Variants in DLGAP2 observed in about 807,000 individuals in gnomAD.
DLGAP2 encodes DLG associated protein 2.
A neutral mutation model predicts 100.3 loss-of-function variants in DLGAP2; 26 were observed. The ratio of observed to expected loss-of-function variants is 0.26; its 90% CI spans 0.19 to 0.36. The LOEUF is 0.36. Ranked by LOEUF, DLGAP2 falls within the 10% of genes least tolerant of loss-of-function variation. The pLI is 1.00. For synonymous variants in DLGAP2, 886 were observed against 630.1 expected (o/e 1.41, Z -6.08); for missense variants, 1,858 against 1,453.2 (o/e 1.28, Z -4.53).
intron 3 of DLGAP2, among the ~76,000 whole-genome samples, chr8:1,344,894 G>A (rs573645417): frequency 7.9e-5 from 12 of 152,266 alleles, no homozygotes; most frequent in South Asian, 6.2e-4. Flanking sequence ...CTCCTGGACC[G>A]AAATATTCCA....
intron 2 of DLGAP2, among the ~76,000 whole-genome samples, chr8:1,003,470 A>T (rs941115306): frequency 2.6e-5 from 4 of 152,232 alleles, no homozygotes; most frequent in Non-Finnish European, 5.9e-5. Context: ...TGGAATATTT[A>T]TTTGGCCAAA....
intron 2 of DLGAP2, among the ~76,000 whole-genome samples, chr8:1,234,535 C>A (rs1034134005): frequency 1.3e-5 from 2 of 152,086 alleles, no homozygotes; most frequent in Non-Finnish European, 2.9e-5. Flanking sequence ...CAACAATGAC[C>A]CTATTTCTAA....
chr8:1,518,692 A>T (rs571373195), intron 4 of DLGAP2, among the ~76,000 whole-genome samples: 1 of 152,324 alleles, frequency 6.6e-6, no homozygotes, highest in East Asian at 1.9e-4. Flanking sequence ...TGAGTAAATT[A>T]TGGAGTCTTT....
chr8:1,408,069 C>T (rs1369152287), intron 3 of DLGAP2, among the ~76,000 whole-genome samples: 3 of 152,330 alleles, frequency 2.0e-5, no homozygotes, highest in South Asian at 2.1e-4. Flanking sequence ...TGCCAAATGC[C>T]CCCCAGGGGA....
chr8:1,106,951 G>A (rs1412699081), intron 2 of DLGAP2, among the ~76,000 whole-genome samples: 1 of 152,088 alleles, frequency 6.6e-6, no homozygotes, highest in Non-Finnish European at 1.5e-5. Context: ...CATCTCAGAC[G>A]TATTTTCTTC....
chr8:985,790 G>C (rs946280608), intron 2 of DLGAP2, among the ~76,000 whole-genome samples: 2 of 152,182 alleles, frequency 1.3e-5, no homozygotes, highest in Non-Finnish European at 2.9e-5. Context: ...TGTTTCCCCA[G>C]ATGTGAGAGT....
At chr8:1,119,917 C>T (rs1795996003) in intron 2 of DLGAP2, among the ~76,000 whole-genome samples, 1 of 152,116 alleles carries the variant, frequency 6.6e-6, no homozygotes, top group African/African-American at 2.4e-5. Context: ...AGAAAGGTTT[C>T]CTTGTAGTTG....
At chr8:1,037,366 C>T (rs34232089) in intron 2 of DLGAP2, among the ~76,000 whole-genome samples, 29,671 of 152,036 alleles carry the variant, frequency 0.2, 3,117 homozygotes, top group Non-Finnish European at 0.23. Flanking sequence ...TCTGCTGTTC[C>T]GCCTCGGGCC....
chr8:1,224,236 A>T (rs968763773), intron 2 of DLGAP2, among the ~76,000 whole-genome samples: 2 of 152,176 alleles, frequency 1.3e-5, no homozygotes, highest in South Asian at 2.1e-4. Flanking sequence ...GGCACATTTA[A>T]TGTGGGTCAG....
chr8:1,580,878 A>G (rs574912028), intron 6 of DLGAP2, among the ~76,000 whole-genome samples: 2 of 152,224 alleles, frequency 1.3e-5, no homozygotes, highest in Admixed American at 1.3e-4. Flanking sequence ...CCAGAAGTGA[A>G]GGATACAGAC....
intron 3 of DLGAP2, among the ~76,000 whole-genome samples, chr8:1,266,922 T>A (rs1230908594): frequency 6.6e-6 from 1 of 151,980 alleles, no homozygotes; most frequent in African/African-American, 2.4e-5. Flanking sequence ...GGAGAGGGGA[T>A]GTGTAATAGT....
At chr8:1,008,840 C>T (rs1263463152) in intron 2 of DLGAP2, among the ~76,000 whole-genome samples, 3 of 152,220 alleles carry the variant, frequency 2.0e-5, no homozygotes, top group Non-Finnish European at 4.4e-5. Flanking sequence ...CCCCGGGCCT[C>T]CTAGTCCTGA....
rs143903209 is a variant in DLGAP2 at position 906,601 on chromosome 8, A to T, written c.19-1311A>T. On this transcript the variant is annotated intron_variant, in intron 1 of 14. Coordinates refer to ENST00000637795, the MANE Select transcript of DLGAP2 (RefSeq NM_001346810.2). ...GAGCTCATCAGGGAAACAGTGTCAGATACGACCCTAGAGGCTCAGACTGCA... is the reference window on the plus strand; with the variant it reads ...GAGCTCATCAGGGAAACAGTGTCAGTTACGACCCTAGAGGCTCAGACTGCA... Among the ~76,000 whole-genome samples the T allele has an allele frequency of 9.8e-4, 149 of 152,304 alleles. 2 individuals are homozygous for T. Among genetic ancestry groups the T allele is most frequent in the African/African-American group, 3.5e-3 (144 of 41,572 alleles).
At chr8:843,540 C>T (rs1461903911) in intron 1 of DLGAP2, among the ~76,000 whole-genome samples, 2 of 152,230 alleles carry the variant, frequency 1.3e-5, no homozygotes, top group Non-Finnish European at 2.9e-5. Context: ...CTGGCCTGTC[C>T]CTCACCAGCC....
chr8:947,732 C>G (rs1563108706), intron 2 of DLGAP2, among the ~76,000 whole-genome samples: 1 of 152,228 alleles, frequency 6.6e-6, no homozygotes. Context: ...TTCTCCATTC[C>G]CACCCGTCAC....
chr8:962,956 G>T (rs1163488548), intron 2 of DLGAP2, among the ~76,000 whole-genome samples: 1 of 152,228 alleles, frequency 6.6e-6, no homozygotes, highest in African/African-American at 2.4e-5. Flanking sequence ...TGGTCAGGAG[G>T]CAGGTCTTAG....
chr8:1,591,056 G>A (rs777265338), intron 6 of DLGAP2, among the ~76,000 whole-genome samples: 4 of 152,184 alleles, frequency 2.6e-5, no homozygotes, highest in Admixed American at 6.5e-5. Context: ...TTGCCCTTCC[G>A]TGCTCGGGAC....
chr8:859,416 C>G (rs1005051523), intron 1 of DLGAP2, among the ~76,000 whole-genome samples: 9 of 152,232 alleles, frequency 5.9e-5, no homozygotes, highest in African/African-American at 2.2e-4. Context: ...CTGGCCCTGT[C>G]TTAGTCTTCT....
At chr8:1,475,551 G>A (rs948484403) in intron 3 of DLGAP2, among the ~76,000 whole-genome samples, 7 of 152,182 alleles carry the variant, frequency 4.6e-5, no homozygotes, top group African/African-American at 1.7e-4. Context: ...TCAATGAGCG[G>A]CTGGGAGTAA....
Sources: gnomAD v4.1 joint callset for allele counts (sites outside exome capture counted in the v4.1 genomes callset) on GRCh38, gnomAD v4.1.1 for gene constraint, MANE v1.5 for transcripts, NCBI Gene and HGNC (gene_info 2026-07-23, HGNC 2026-07-21) for gene names.